The following MPPED1 variants were observed in gnomAD, a reference collection of about 807,000 sequenced individuals.
MPPED1 encodes the protein metallophosphoesterase domain-containing protein 1.
MPPED1 carries 16 observed loss-of-function variants against 36.2 expected under a neutral mutation model. That is an observed-to-expected ratio of 0.44 (90% CI 0.30 to 0.67). The LOEUF (loss-of-function observed/expected upper bound fraction) is 0.67. Ranked by LOEUF, MPPED1 falls within the 30% of genes least tolerant of loss-of-function variation. The pLI, the probability that MPPED1 is intolerant of heterozygous loss-of-function variation, is 0.10. For synonymous variants in MPPED1, 199 were observed against 191.3 expected (o/e 1.04, Z -0.33); for missense variants, 307 against 453.4 (o/e 0.68, Z 2.93).
chr22:43,499,136 G>T (rs981217421), intron 5 of MPPED1, among the ~76,000 whole-genome samples: 13 of 151,400 alleles, frequency 8.6e-5, no homozygotes, highest in Middle Eastern at 3.4e-3. Flanking sequence ...GAAGGTGGTG[G>T]TGATGAAGGT....
chr22:43,449,174 C>T (rs1466108576), intron 3 of MPPED1, among the ~76,000 whole-genome samples: 1 of 152,160 alleles, frequency 6.6e-6, no homozygotes, highest in African/African-American at 2.4e-5. Context: ...GTATCCAAGT[C>T]ACACGGGGGC....
chr22:43,491,590 T>A (rs1374674070), intron 4 of MPPED1, among the ~76,000 whole-genome samples: 1 of 150,708 alleles, frequency 6.6e-6, no homozygotes, highest in African/African-American at 2.4e-5. Context: ...AAGATGATGG[T>A]GGTGGTGATG....
rs1273510475 is a variant in MPPED1 at position 43,475,483 on chromosome 22, TGGTG to T, written c.632+523_632+526del. Among the ~76,000 whole-genome samples the T allele has an allele frequency of 7.4e-4, 105 of 142,042 alleles. 1 individual carries two copies. Among genetic ancestry groups the T allele is most frequent in the Middle Eastern group, 3.6e-3 (1 of 276 alleles). 93.2% of individuals were successfully genotyped at this position (142,042 alleles called of 152,430 possible). ...ATGATGATATTGGTGATGATGGTGA[TGGTG>T]ATGATGGTGGTGATGATCATCATGA... On this transcript the variant is annotated intron_variant, in intron 4 of 6. Transcript: ENST00000443721.
chr22:43,451,865 G>T (rs1170602904), intron 3 of MPPED1, among the ~76,000 whole-genome samples: 1 of 152,150 alleles, frequency 6.6e-6, no homozygotes, highest in Non-Finnish European at 1.5e-5. Flanking sequence ...CGGGGCAGTT[G>T]TCACATTGTT....
intron 2 of MPPED1, among the ~76,000 whole-genome samples, chr22:43,431,333 G>A (rs1328494771): frequency 7.9e-5 from 12 of 152,082 alleles, no homozygotes; most frequent in Admixed American, 5.2e-4. Context: ...GTGAGGCATT[G>A]TGCCTGGCCT....
intron 3 of MPPED1, among the ~76,000 whole-genome samples, chr22:43,436,792 T>C (rs929958879): frequency 3.3e-5 from 5 of 152,108 alleles, no homozygotes; most frequent in African/African-American, 4.8e-5. Flanking sequence ...AGGCACGGGG[T>C]GGCAGGCTCT....
Position 43,412,145 on chromosome 22 carries a change from G to T in MPPED1, c.-92G>T. The T allele has an allele frequency of 1.0e-6, 1 of 979,826 alleles. No homozygotes were observed. The highest frequency in any genetic ancestry group is 4.6e-5 in the South Asian group (1 of 21,578). The allele number at this position is 979,826 out of a possible 1,614,324, so 60.7% of individuals were successfully genotyped here. A position where few individuals can be genotyped will look rare whatever the true frequency, so the allele number is the denominator to read the frequency against. ...CGCAGCCGCCGCGGCCGCCGAAGAG[G>T]AGCCCGGGGCCAGGTAGGACCGGAG... On this transcript the variant is annotated 5_prime_UTR_variant, in exon 1 of 7. Coordinates refer to ENST00000443721, the MANE Select transcript of MPPED1 (RefSeq NM_001044370.2).
chr22:43,468,714 T>TCG (rs1931258254), intron 3 of MPPED1, among the ~76,000 whole-genome samples: 2 of 152,120 alleles, frequency 1.3e-5, no homozygotes, highest in Non-Finnish European at 2.9e-5. Flanking sequence ...CTCGCCAGGG[T>TCG]CTGGAACACG....
chr22:43,468,708 CCAG>C (rs1931257839), intron 3 of MPPED1, among the ~76,000 whole-genome samples: 2 of 152,242 alleles, frequency 1.3e-5, no homozygotes, highest in Non-Finnish European at 2.9e-5. Flanking sequence ...CGGAGCCTCG[CCAG>C]GGTCTGGAAC....
Position 43,412,044 on chromosome 22 carries a change from C to G in MPPED1, c.-193C>G. 1 of 979,128 alleles carries G rather than the reference C, an allele frequency of 1.0e-6. No individual in the cohort carries two copies. The highest frequency in any genetic ancestry group is 1.2e-6 in the Non-Finnish European group (1 of 827,420). The allele number at this position is 979,128 out of a possible 1,614,324, so 60.7% of individuals were successfully genotyped here. A position where few individuals can be genotyped will look rare whatever the true frequency, so the allele number is the denominator to read the frequency against. ...CAGCCTCGGACGCGCGGCGAGGCGG[C>G]CGCCGCCGGAGGAGCCCCCGCCCCT... On this transcript the variant is annotated 5_prime_UTR_variant, in exon 1 of 7. Coordinates refer to ENST00000443721, the MANE Select transcript of MPPED1 (RefSeq NM_001044370.2).
At chr22:43,422,226 T>TA in intron 1 of MPPED1, among the ~76,000 whole-genome samples, 1 of 152,340 alleles carries the variant, frequency 6.6e-6, no homozygotes, top group African/African-American at 2.4e-5. Flanking sequence ...TGCCACCTAC[T>TA]CTCTGTGCAA....
At chr22:43,415,998 C>T (rs564070453) in intron 1 of MPPED1, among the ~76,000 whole-genome samples, 9 of 152,298 alleles carry the variant, frequency 5.9e-5, no homozygotes, top group African/African-American at 1.4e-4. Context: ...TTGCATTTTC[C>T]GGACAGTGCT....
chr22:43,416,124 C>T (rs563363543), intron 1 of MPPED1, among the ~76,000 whole-genome samples: 3 of 152,342 alleles, frequency 2.0e-5, no homozygotes, highest in South Asian at 2.1e-4. Context: ...TCAGTGTTCA[C>T]AGAAGAGGCA....
intron 3 of MPPED1, among the ~76,000 whole-genome samples, chr22:43,451,302 G>A (rs1930560601): frequency 6.6e-6 from 1 of 152,176 alleles, no homozygotes; most frequent in African/African-American, 2.4e-5. Flanking sequence ...GCTGCGCCCA[G>A]CTGGTGGTAG....
intron 3 of MPPED1, among the ~76,000 whole-genome samples, chr22:43,461,198 TA>T (rs35190060): frequency 6.6e-6 from 1 of 152,076 alleles, no homozygotes; most frequent in Non-Finnish European, 1.5e-5. Flanking sequence ...ACCTCATCTC[TA>T]AAAAAAGACA....
intron 4 of MPPED1, among the ~76,000 whole-genome samples, chr22:43,479,096 G>C (rs565742558): frequency 1.3e-5 from 2 of 152,294 alleles, no homozygotes; most frequent in African/African-American, 2.4e-5. Flanking sequence ...CTCCCCAGCT[G>C]TCTGTTGAGG....
intron 1 of MPPED1, chr22:43,416,938 C>T (rs969144947): frequency 3.0e-5 from 29 of 979,476 alleles, no homozygotes; most frequent in Non-Finnish European, 3.4e-5. Context: ...AAGACAAGCC[C>T]GGCGAGCCGA....
At chr22:43,433,115 T>TG (rs574668108) in intron 2 of MPPED1, among the ~76,000 whole-genome samples, 34 of 151,310 alleles carry the variant, frequency 2.2e-4, no homozygotes, top group South Asian at 1.5e-3. Context: ...TCATGGGGAG[T>TG]GGGGGTCACT....
At chr22:43,412,509 T>C (rs1223831771) in intron 1 of MPPED1, among the ~76,000 whole-genome samples, 2 of 152,132 alleles carry the variant, frequency 1.3e-5, no homozygotes, top group African/African-American at 2.4e-5. Context: ...GTGGTAACAA[T>C]AGCAGCCCCC....
Sources: gnomAD v4.1 joint callset for allele counts (sites outside exome capture counted in the v4.1 genomes callset) on GRCh38, gnomAD v4.1.1 for gene constraint, MANE v1.5 for transcripts, NCBI Gene and HGNC (gene_info 2026-07-23, HGNC 2026-07-21) for gene names.